TRIM67: variants seen among roughly 807,000 people sequenced by gnomAD.
TRIM67 encodes the protein tripartite motif containing 67, also known as tripartite motif-containing protein 67.
A neutral mutation model predicts 71.0 loss-of-function variants in TRIM67; 39 were observed. The ratio of observed to expected loss-of-function variants is 0.55; its 90% CI spans 0.43 to 0.72. The LOEUF is 0.72. Among genes scored for constraint, TRIM67 ranks in the 30% least tolerant of loss-of-function variants. TRIM67 has a pLI of 0.00. For synonymous variants in TRIM67, 481 were observed against 473.9 expected (o/e 1.01, Z -0.19); for missense variants, 973 against 1,079.2 (o/e 0.90, Z 1.38).
rs571637187 is a variant in TRIM67, at chr1:231,215,746, T to C, written c.*306T>C. Reference sequence around the variant, plus strand: ...GGAGTCAGCATTCGGGCTTCATGTCTATGTTTCCTGCCATCTGTTTTCAAA... The same window carrying C: ...GGAGTCAGCATTCGGGCTTCATGTCCATGTTTCCTGCCATCTGTTTTCAAA... On this transcript the variant is annotated 3_prime_UTR_variant, in exon 10 of 10. Transcript: ENST00000366653. 76 of 1,167,926 alleles carry C rather than the reference T, an allele frequency of 6.5e-5. No individual in the cohort carries two copies. The African/African-American group carries it at 1.0e-3, about 16-fold the overall frequency. The allele number at this position is 1,167,926 out of a possible 1,614,324, so 72.3% of individuals were successfully genotyped here. A position where few individuals can be genotyped will look rare whatever the true frequency, so the allele number is the denominator to read the frequency against.
At chr1:231,172,136 C>T (rs1403688071) in intron 1 of TRIM67, among the ~76,000 whole-genome samples, 1 of 152,144 alleles carries the variant, frequency 6.6e-6, no homozygotes, top group Non-Finnish European at 1.5e-5. Context: ...CTTTATTGCT[C>T]CTCACTGTAC....
At chr1:231,201,614 A>G (rs1683526445) in intron 5 of TRIM67, 97 bp downstream of exon 5, 1 of 1,425,276 alleles carries the variant, frequency 7.0e-7, no homozygotes, top group Non-Finnish European at 9.4e-7. Context: ...CCTGTGATGC[A>G]CGGAGTGTGG....
chr1:231,218,103 C>T lies in TRIM67; in HGVS notation c.*2663C>T, dbSNP rs781046373. 6 of 1,074,240 alleles carry T rather than the reference C, an allele frequency of 5.6e-6. No homozygotes were observed. The highest frequency in any genetic ancestry group is 1.6e-5 in the African/African-American group (1 of 60,934). The allele number at this position is 1,074,240 out of a possible 1,614,324, so 66.5% of individuals were successfully genotyped here. A position where few individuals can be genotyped will look rare whatever the true frequency, so the allele number is the denominator to read the frequency against. ...CTGACTTCAAAGAGAACGACAGGTC[C>T]GTGCCACACACTTGTGTTTTTGAGG... On this transcript the variant is annotated 3_prime_UTR_variant, in exon 10 of 10. Coordinates refer to ENST00000366653, the MANE Select transcript of TRIM67 (RefSeq NM_001004342.5).
intron 9 of TRIM67, 56 bp downstream of exon 9, chr1:231,214,033 G>A: frequency 6.5e-7 from 1 of 1,529,310 alleles, no homozygotes; most frequent in Non-Finnish European, 8.8e-7. Flanking sequence ...GTTTGCCACA[G>A]GTCTCTGCAG....
chr1:231,216,014 G>A lies in TRIM67; in HGVS notation c.*574G>A. ...ACCCAATGCAGGATTGATAGAAAGGGACATTAATCATTCATGCTTGACTTT... is the reference window on the plus strand; with the variant it reads ...ACCCAATGCAGGATTGATAGAAAGGAACATTAATCATTCATGCTTGACTTT... On this transcript the variant is annotated 3_prime_UTR_variant, in exon 10 of 10. Coordinates refer to ENST00000366653, the MANE Select transcript of TRIM67 (RefSeq NM_001004342.5). The A allele has an allele frequency of 4.1e-6, 4 of 985,566 alleles. No homozygotes were observed. The highest frequency in any genetic ancestry group is 4.8e-6 in the Non-Finnish European group (4 of 830,054). 61.1% of individuals were successfully genotyped at this position (985,566 alleles called of 1,614,324 possible).
intron 1 of TRIM67, among the ~76,000 whole-genome samples, chr1:231,168,649 CATT>C (rs1160243661): frequency 6.6e-6 from 1 of 152,204 alleles, no homozygotes; most frequent in African/African-American, 2.4e-5. Context: ...ATTTTCATTA[CATT>C]ATTGTTATAA....
chr1:231,170,005 A>ATTTTTTTTTTTTTTTTTTTTTTTTTT (rs1682583971), intron 1 of TRIM67, among the ~76,000 whole-genome samples: 1 of 101,228 alleles, frequency 9.9e-6, no homozygotes, highest in African/African-American at 6.9e-5. Flanking sequence ...TTTTTTTTTG[A>ATTTTTTTTTTTTTTTTTTTTTTTTTT]GTTGGAGTTT....
chr1:231,179,870 G>A (rs1459713812), intron 1 of TRIM67, among the ~76,000 whole-genome samples: 2 of 152,196 alleles, frequency 1.3e-5, no homozygotes, highest in Non-Finnish European at 2.9e-5. Context: ...GGGAGGGGCA[G>A]TGTGGTGCTG....
intron 1 of TRIM67, among the ~76,000 whole-genome samples, chr1:231,187,848 T>C (rs1400786723): frequency 6.6e-6 from 1 of 152,142 alleles, no homozygotes; most frequent in Admixed American, 6.5e-5. Flanking sequence ...GGTTAGGCTG[T>C]GGGAACAAGA....
chr1:231,202,935 G>A lies in TRIM67; in HGVS notation c.1535-932G>A, dbSNP rs1424067464. ...GATGTGGTCACTGGACTGGTCAGGG[G>A]TAACTGGACTGGATGGGGTCACTGG... On this transcript the variant is annotated intron_variant, in intron 5 of 9. Coordinates refer to ENST00000366653, the MANE Select transcript of TRIM67 (RefSeq NM_001004342.5). Among the ~76,000 whole-genome samples, 5 of 152,224 alleles carry A rather than the reference G, an allele frequency of 3.3e-5. No homozygotes were observed. The South Asian group carries it at 1.0e-3, about 32-fold the overall frequency.
At chr1:231,200,391 G>A in intron 4 of TRIM67, 133 bp downstream of exon 4, 1 of 614,450 alleles carries the variant, frequency 1.6e-6, no homozygotes, top group East Asian at 2.8e-5. Flanking sequence ...AATGATTCCA[G>A]AAGACCTAGG....
intron 8 of TRIM67, among the ~76,000 whole-genome samples, chr1:231,212,955 G>A (rs1003541253): frequency 1.3e-5 from 2 of 152,248 alleles, no homozygotes; most frequent in East Asian, 1.9e-4. Context: ...TAATGACTGC[G>A]ACAGAGGACT....
rs1684063092 is a variant in TRIM67 at position 231,218,234 on chromosome 1, A to C, written c.*2794A>C. The C allele has an allele frequency of 9.9e-7, 1 of 1,010,226 alleles. No individual in the cohort carries two copies. 62.6% of individuals were successfully genotyped at this position (1,010,226 alleles called of 1,614,324 possible). On this transcript the variant is annotated 3_prime_UTR_variant, in exon 10 of 10. Transcript: ENST00000366653. The stretch of plus-strand genomic sequence containing the variant: ...GTCATGGAATTCTCATCCACCATCG[A>C]ATTCCATAACACGTTACATCATGGT...
chr1:231,170,625 G>A (rs544646676), intron 1 of TRIM67, among the ~76,000 whole-genome samples: 8 of 152,214 alleles, frequency 5.3e-5, no homozygotes, highest in Non-Finnish European at 1.0e-4. Context: ...ACAATATAGA[G>A]TGTTCTAGAT....
chr1:231,203,733 A>G (rs943437524), intron 5 of TRIM67, 134 bp from the exon 6 acceptor site: 1 of 1,185,164 alleles, frequency 8.4e-7, no homozygotes, highest in Non-Finnish European at 1.2e-6. Context: ...GGGAGTGACT[A>G]CAGGGTGGCC....
intron 6 of TRIM67, among the ~76,000 whole-genome samples, chr1:231,205,258 G>A (rs966086061): frequency 2.0e-5 from 3 of 152,200 alleles, no homozygotes; most frequent in African/African-American, 7.2e-5. Flanking sequence ...GTTGCATGCA[G>A]ACAGACCTGG....
chr1:231,207,186 T>C (rs1452590748), intron 7 of TRIM67, among the ~76,000 whole-genome samples: 1 of 152,188 alleles, frequency 6.6e-6, no homozygotes, highest in African/African-American at 2.4e-5. Context: ...AAATGTGAAG[T>C]AGCTAAGGGA....
Position 231,219,831 on chromosome 1 carries a change from G to A in TRIM67, c.*4391G>A. 2 of 1,285,110 alleles carry A rather than the reference G, an allele frequency of 1.6e-6. No individual in the cohort carries two copies. The highest frequency in any genetic ancestry group is 2.0e-6 in the Non-Finnish European group (2 of 986,054). The allele number at this position is 1,285,110 out of a possible 1,614,324, so 79.6% of individuals were successfully genotyped here. On this transcript the variant is annotated 3_prime_UTR_variant, in exon 10 of 10. Coordinates refer to ENST00000366653, the MANE Select transcript of TRIM67 (RefSeq NM_001004342.5). ...CCACATTCTTTGGCAGTTCCTCCCAGAAGATCAAAGGATCCTGCAGCTTTA... is the reference window on the plus strand; with the variant it reads ...CCACATTCTTTGGCAGTTCCTCCCAAAAGATCAAAGGATCCTGCAGCTTTA...
intron 1 of TRIM67, among the ~76,000 whole-genome samples, chr1:231,167,702 G>C (rs1682512635): frequency 6.6e-6 from 1 of 151,656 alleles, no homozygotes; most frequent in Non-Finnish European, 1.5e-5. Context: ...TGATCTTCCT[G>C]CCTTGGCTTC....
Sources: allele counts gnomAD v4.1 joint callset (sites outside exome capture counted in the v4.1 genomes callset), GRCh38; gene constraint gnomAD v4.1.1; transcripts MANE v1.5; gene names NCBI Gene and HGNC (gene_info 2026-07-23, HGNC 2026-07-21).